Variants in PFKM observed in about 807,000 individuals in gnomAD.
PFKM encodes phosphofructokinase, muscle.
In PFKM, 58 loss-of-function variants were observed where a neutral mutation model predicts 95.5. The observed-to-expected ratio is 0.61, with a 90% CI of 0.49 to 0.76. The LOEUF (loss-of-function observed/expected upper bound fraction) is 0.76. Among genes scored for constraint, PFKM ranks in the 30% least tolerant of loss-of-function variants. PFKM has a pLI of 0.00. For missense variants in PFKM, 678 were observed against 1,005.4 expected (o/e 0.67, Z 4.40); for synonymous variants, 336 against 357.2 (o/e 0.94, Z 0.67).
In PFKM at chr12:48,139,920, C is replaced by A; in HGVS notation, c.1191+8C>A. On this transcript the variant is annotated splice_region_variant and intron_variant, in intron 13 of 22. Coordinates refer to ENST00000359794, the MANE Select transcript of PFKM (RefSeq NM_000289.6). Reference sequence around the variant, plus strand: ...AGACCCCCGGTATCTAAGGTACTGGCAAGTTGACTTGCCCTCTCCCCTTTT... The same window carrying A: ...AGACCCCCGGTATCTAAGGTACTGGAAAGTTGACTTGCCCTCTCCCCTTTT... The A allele has an allele frequency of 6.3e-7, 1 of 1,594,760 alleles. No homozygotes were observed. The highest frequency in any genetic ancestry group is 8.6e-7 in the Non-Finnish European group (1 of 1,162,548).
intron 3 of PFKM, among the ~76,000 whole-genome samples, chr12:48,112,645 G>T (rs1947305867): frequency 6.6e-6 from 1 of 152,174 alleles, no homozygotes; most frequent in Non-Finnish European, 1.5e-5. Context: ...GAGGGGTTGT[G>T]GAGGGAGGTA....
At chr12:48,118,611 TGG>T (rs1394568994), upstream of PFKM, 1 of 1,095,722 alleles carries the variant, frequency 9.1e-7, no homozygotes, top group Non-Finnish European at 1.3e-6. Flanking sequence ...CCTCTTGCTC[TGG>T]GAGCATCTGA....
intron 3 of PFKM, among the ~76,000 whole-genome samples, chr12:48,109,523 T>C (rs1383760492): frequency 1.3e-5 from 2 of 152,216 alleles, no homozygotes; most frequent in East Asian, 1.9e-4. Context: ...ATTTCTTATT[T>C]GCCCTCATCT....
chr12:48,118,630 T>C, upstream of PFKM: 1 of 961,276 alleles, frequency 1.0e-6, no homozygotes, highest in South Asian at 1.4e-5. Flanking sequence ...CTGACCCTTT[T>C]TCCAGAGTGG....
upstream of PFKM, among the ~76,000 whole-genome samples, chr12:48,118,222 A>G (rs73302816): frequency 2.8e-3 from 434 of 152,290 alleles, 4 homozygotes; most frequent in African/African-American, 9.6e-3. Flanking sequence ...CCCTTGACTG[A>G]GAGGAGGGGT....
At chr12:48,135,561 G>A (rs1026123694) in intron 10 of PFKM, among the ~76,000 whole-genome samples, 178 bp downstream of exon 10, 2 of 152,144 alleles carry the variant, frequency 1.3e-5, no homozygotes, top group Non-Finnish European at 2.9e-5. Flanking sequence ...GTTCTCTTCT[G>A]TTACAAAAAT....
At position 48,120,914 on chromosome 12, in the gene PFKM, G is replaced by A. The variant is rs141056506; in HGVS notation, c.-9+1508G>A. Among the ~76,000 whole-genome samples the A allele has an allele frequency of 2.0e-5, 3 of 152,316 alleles. No individual in the cohort carries two copies. In the East Asian group the frequency reaches 5.8e-4, roughly 29 times the overall value. ...TGCCTGTTATCCCAGCACTTTGGGA[G>A]GCAAGGTGGGCGGATCACCTGAAGT... is the stretch of plus-strand genomic sequence containing the variant. On this transcript the variant is annotated intron_variant, in intron 1 of 22. Coordinates refer to ENST00000359794, the MANE Select transcript of PFKM (RefSeq NM_000289.6).
intron 18 of PFKM, 109 bp from the exon 19 acceptor site, chr12:48,143,644 C>G: frequency 1.2e-6 from 1 of 832,856 alleles, no homozygotes; most frequent in Non-Finnish European, 2.1e-6. Context: ...TTGTAAACAA[C>G]TCTCTTCCAT....
At position 48,145,041 on chromosome 12, in the gene PFKM, C is replaced by T; in HGVS notation, c.2003C>T (p.Pro668Leu). 1 of 1,613,054 alleles carries T rather than the reference C, an allele frequency of 6.2e-7. No homozygotes were observed. The highest frequency in any genetic ancestry group is 8.5e-7 in the Non-Finnish European group (1 of 1,178,976). The change falls in exon 21 of 23, where the codon CCA becomes CTA. Residue 668 changes from proline (P) to leucine (L), a missense_variant. Coordinates refer to ENST00000359794, the MANE Select transcript of PFKM (RefSeq NM_000289.6). The surrounding 1 kb of genome is among the most constrained non-coding windows in gnomAD (Gnocchi z 4.3). ...VLGHMQQGGS[P>L]TPFDRNFATK... is the part of the protein sequence containing the mutation. ...TGTTTCTTTCTCCAGGGTGGGAGCC[C>T]AACCCCATTTGATAGGAATTTTGCC...
Position 48,144,499 on chromosome 12 carries a change from C to T in PFKM, c.1992+342C>T, listed in dbSNP as rs565614558. On this transcript the variant is annotated intron_variant, in intron 20 of 22. Transcript: ENST00000359794. ...AGTTGCACAGCATCCCTGGTCTCTA[C>T]CCACTAGATGCCAGTAGCACCTCCC... 2.6e-5 allele frequency among the ~76,000 whole-genome samples: 4 copies of T among 152,164 alleles called. No individual in the cohort carries two copies. The South Asian group carries it at 8.3e-4, about 32-fold the overall frequency.
chr12:48,132,656 C>A, intron 4 of PFKM: 1 of 602,410 alleles, frequency 1.7e-6, no homozygotes, highest in East Asian at 2.8e-5. Context: ...TAGCAGTCTT[C>A]TCAGATGTGT....
intron 9 of PFKM, 27 bp downstream of exon 9, chr12:48,135,065 C>G (rs375297863): frequency 1.7e-5 from 26 of 1,534,296 alleles, no homozygotes; most frequent in Non-Finnish European, 2.3e-5. Context: ...CCAGAGAGGC[C>G]TTAGAATCCA....
At chr12:48,105,846 A>G (rs1946514547), upstream of PFKM, 4 of 599,072 alleles carry the variant, frequency 6.7e-6, no homozygotes, top group South Asian at 7.9e-5. Context: ...CAGCGCGGCC[A>G]CCGGACAGCA....
At chr12:48,131,794 C>T in intron 4 of PFKM, 1 of 360,926 alleles carries the variant, frequency 2.8e-6, no homozygotes, top group Non-Finnish European at 5.4e-6. Context: ...GACCTGAAAC[C>T]AGACCACTTA....
chr12:48,128,734 T>C (rs1018204803), intron 2 of PFKM, among the ~76,000 whole-genome samples: 1 of 152,226 alleles, frequency 6.6e-6, no homozygotes, highest in Non-Finnish European at 1.5e-5. Context: ...GCTGCAGATT[T>C]TTCCGATTAC....
intron 1 of PFKM, among the ~76,000 whole-genome samples, chr12:48,121,980 T>C (rs11168419): frequency 0.24 from 36,498 of 152,036 alleles, 6,213 homozygotes; most frequent in African/African-American, 0.48. Context: ...CCCTAAAGAA[T>C]AAAATATGAA....
At chr12:48,126,591 G>A (rs1451788165) in intron 2 of PFKM, among the ~76,000 whole-genome samples, 1 of 152,170 alleles carries the variant, frequency 6.6e-6, no homozygotes, top group Admixed American at 6.5e-5. Context: ...AACGTTCGGA[G>A]TCACTTGTCT....
upstream of PFKM, chr12:48,105,588 CG>C (rs1200987481): frequency 4.2e-6 from 2 of 474,636 alleles, no homozygotes; most frequent in Non-Finnish European, 8.4e-6. Context: ...AAATATCACT[CG>C]GGTCTCAAGG....
intron 1 of PFKM, 92 bp downstream of exon 1, chr12:48,119,498 A>G: frequency 1.4e-6 from 1 of 707,802 alleles, no homozygotes; most frequent in African/African-American, 1.9e-5. Flanking sequence ...GAGAACTGAA[A>G]GGAGCAGAAA....
Sources: allele counts gnomAD v4.1 joint callset (sites outside exome capture counted in the v4.1 genomes callset), GRCh38; gene constraint gnomAD v4.1.1; non-coding constraint Gnocchi (gnomAD v3.1); transcripts MANE v1.5; gene names NCBI Gene and HGNC (gene_info 2026-07-23, HGNC 2026-07-21).